MERTK: variants seen among roughly 807,000 people sequenced by gnomAD.
MERTK encodes MER proto-oncogene, tyrosine kinase.
A neutral mutation model predicts 99.3 loss-of-function variants in MERTK; 69 were observed. The observed-to-expected ratio is 0.70, with a 90% CI of 0.57 to 0.85. The LOEUF is 0.85. Ranked by LOEUF, MERTK falls within the 40% of genes least tolerant of loss-of-function variation. The pLI, the probability that MERTK is intolerant of heterozygous loss-of-function variation, is 0.00. For synonymous variants in MERTK, 426 were observed against 467.6 expected (o/e 0.91, Z 1.15); for missense variants, 1,125 against 1,249.4 (o/e 0.90, Z 1.50).
chr2:112,004,001 G>T lies in MERTK; in HGVS notation c.1867+17G>T. On this transcript the variant is annotated intron_variant, in intron 13 of 18. Transcript: ENST00000295408. The stretch of plus-strand genomic sequence containing the variant: ...CCATGAAGTGTGAGTTATCAGTGAT[G>T]AATCCCATTCTTCTAGGGTGGGCAG... 1.9e-6 allele frequency: 3 copies of T among 1,599,244 alleles called. No homozygotes were observed. The highest frequency in any genetic ancestry group is 1.1e-5 in the South Asian group (1 of 90,716).
intron 1 of MERTK, among the ~76,000 whole-genome samples, chr2:111,917,501 G>C (rs112740918): frequency 0.012 from 1,831 of 152,288 alleles, 16 homozygotes; most frequent in Non-Finnish European, 0.018. Flanking sequence ...TGGGGCAAAA[G>C]GAAACCGATT....
chr2:111,999,054 G>A (rs78161833), intron 10 of MERTK, among the ~76,000 whole-genome samples: 120 of 152,186 alleles, frequency 7.9e-4, no homozygotes, highest in African/African-American at 2.8e-3. Flanking sequence ...GAGAAAGTGA[G>A]GCCCATTTCA....
intron 1 of MERTK, among the ~76,000 whole-genome samples, chr2:111,910,715 T>C (rs1558767797): frequency 1.3e-5 from 2 of 151,912 alleles, no homozygotes; most frequent in Admixed American, 1.3e-4. Flanking sequence ...AGACATTTGG[T>C]TAATTAAAAC....
chr2:111,981,781 G>C (rs544475764), intron 7 of MERTK, among the ~76,000 whole-genome samples: 1 of 151,826 alleles, frequency 6.6e-6, no homozygotes, highest in Non-Finnish European at 1.5e-5. Flanking sequence ...TAAATGTGTT[G>C]ACAGATTAGC....
chr2:112,000,138 C>T (rs752369203), intron 10 of MERTK, among the ~76,000 whole-genome samples: 25 of 152,142 alleles, frequency 1.6e-4, no homozygotes, highest in Non-Finnish European at 3.1e-4. Context: ...AAGGCAGGAA[C>T]TGGCTATTTT....
At chr2:111,912,974 A>G (rs757037119) in intron 1 of MERTK, 110 of 941,132 alleles carry the variant, frequency 1.2e-4, no homozygotes, top group Non-Finnish European at 1.4e-4. Context: ...ATCCTCATCT[A>G]TGAACTGGGG....
chr2:111,995,912 A>T (rs532745470), intron 9 of MERTK, among the ~76,000 whole-genome samples: 6 of 152,238 alleles, frequency 3.9e-5, no homozygotes, highest in Admixed American at 3.9e-4. Flanking sequence ...ACACCATTGT[A>T]CTCCTGGCTG....
intron 1 of MERTK, among the ~76,000 whole-genome samples, chr2:111,912,363 G>A (rs1046823525): frequency 1.3e-5 from 2 of 152,010 alleles, no homozygotes; most frequent in Admixed American, 6.6e-5. Context: ...TACAAACAAC[G>A]TTGCCATGAA....
At chr2:111,974,632 G>A (rs1196538690) in intron 6 of MERTK, among the ~76,000 whole-genome samples, 1 of 151,802 alleles carries the variant, frequency 6.6e-6, no homozygotes, top group Non-Finnish European at 1.5e-5. Context: ...AGCTGTGCGT[G>A]GTGGCACATG....
chr2:111,960,148 T>C (rs1685218617), intron 4 of MERTK, among the ~76,000 whole-genome samples: 1 of 152,134 alleles, frequency 6.6e-6, no homozygotes, highest in Non-Finnish European at 1.5e-5. Context: ...GTTGCTGTGG[T>C]GCATTGTCTT....
At chr2:111,910,591 AGT>A (rs139430156) in intron 1 of MERTK, among the ~76,000 whole-genome samples, 10 of 141,224 alleles carry the variant, frequency 7.1e-5, no homozygotes, top group East Asian at 2.2e-4. Context: ...TTAAAAAAAA[AGT>A]GTGTGTGTGT....
chr2:111,933,408 C>T (rs889227005), intron 2 of MERTK, among the ~76,000 whole-genome samples: 7 of 152,140 alleles, frequency 4.6e-5, no homozygotes, highest in Non-Finnish European at 7.3e-5. Flanking sequence ...TTGCCATTAG[C>T]GACATCTATG....
In MERTK at chr2:112,022,413, C is replaced by A. The variant is rs760985302; in HGVS notation, c.2486+19C>A. ...ATGAACTGTGAGTGGGCTTCTCTGTCTCCCTTCCATACTCTGCATGGGGCA... is the reference window on the plus strand; with the variant it reads ...ATGAACTGTGAGTGGGCTTCTCTGTATCCCTTCCATACTCTGCATGGGGCA... On this transcript the variant is annotated intron_variant, in intron 18 of 18. Coordinates refer to ENST00000295408, the MANE Select transcript of MERTK (RefSeq NM_006343.3). The A allele has an allele frequency of 2.5e-6, 4 of 1,614,082 alleles. No individual in the cohort carries two copies. Among genetic ancestry groups the A allele is most frequent in the Non-Finnish European group, 3.4e-6 (4 of 1,180,040 alleles).
intron 3 of MERTK, among the ~76,000 whole-genome samples, chr2:111,945,873 C>G (rs1271329208): frequency 2.6e-5 from 4 of 152,252 alleles, no homozygotes; most frequent in Non-Finnish European, 4.4e-5. Flanking sequence ...TGTGCCCCTC[C>G]TCTCTGAGGT....
intron 1 of MERTK, among the ~76,000 whole-genome samples, chr2:111,909,988 T>C (rs953233859): frequency 1.8e-4 from 27 of 152,208 alleles, no homozygotes; most frequent in Middle Eastern, 3.2e-3. Flanking sequence ...ATGTTTAATA[T>C]AGCACTATTC....
At chr2:111,905,893 A>C (rs963338209) in intron 1 of MERTK, among the ~76,000 whole-genome samples, 1 of 152,186 alleles carries the variant, frequency 6.6e-6, no homozygotes, top group Non-Finnish European at 1.5e-5. Context: ...GCAGGCAGGG[A>C]GAAGGGGCAG....
At chr2:111,901,988 C>T (rs1012505560) in intron 1 of MERTK, among the ~76,000 whole-genome samples, 10 of 152,056 alleles carry the variant, frequency 6.6e-5, no homozygotes, top group Non-Finnish European at 1.3e-4. Flanking sequence ...CGGGTTCAAG[C>T]AGTTCTCCTG....
chr2:112,021,459 G>A lies in MERTK; in HGVS notation c.2227G>A (p.Gly743Ser), dbSNP rs1573648098. The change falls in exon 17 of 19, where the codon GGC (glycine) becomes AGC (serine). Residue 743 changes from glycine (G) to serine (S), a missense_variant. Coordinates refer to ENST00000295408, the MANE Select transcript of MERTK (RefSeq NM_006343.3). ...CATGACTGTCTGTGTTGCGGACTTCGGCCTCTCTAAGAAGATTTACAGTGG... is the reference window on the plus strand; with the variant it reads ...CATGACTGTCTGTGTTGCGGACTTCAGCCTCTCTAAGAAGATTTACAGTGG... ...DDMTVCVADF[G>S]LSKKIYSGDY... 2.5e-6 allele frequency: 4 copies of A among 1,613,702 alleles called. No individual in the cohort carries two copies. The highest frequency in any genetic ancestry group is 3.4e-6 in the Non-Finnish European group (4 of 1,179,864).
chr2:112,021,345 T>C lies in MERTK; in HGVS notation c.2190-77T>C, dbSNP rs1677343400. On this transcript the variant is annotated intron_variant, in intron 16 of 18. Transcript: ENST00000295408. ...TTTTGGTCAATTATCATAAGTGTTTTCACCTGTGTCTGATACAGACCAGTA... is the reference window on the plus strand; with the variant it reads ...TTTTGGTCAATTATCATAAGTGTTTCCACCTGTGTCTGATACAGACCAGTA... The C allele has an allele frequency of 1.9e-6, 3 of 1,599,100 alleles. No homozygotes were observed. In the South Asian group the frequency reaches 3.3e-5, roughly 18 times the overall value.
Sources: allele counts gnomAD v4.1 joint callset (sites outside exome capture counted in the v4.1 genomes callset), GRCh38; gene constraint gnomAD v4.1.1; transcripts MANE v1.5; gene names NCBI Gene and HGNC (gene_info 2026-07-23, HGNC 2026-07-21).